GRAMD4: variants seen among roughly 807,000 people sequenced by gnomAD.
GRAMD4 encodes the protein GRAM domain containing 4, also known as GRAM domain-containing protein 4.
A neutral mutation model predicts 83.9 loss-of-function variants in GRAMD4; 25 were observed. The ratio of observed to expected loss-of-function variants is 0.30; its 90% confidence interval spans 0.22 to 0.42. GRAMD4 has a LOEUF of 0.42. GRAMD4 is among the 10% of genes least tolerant of loss of function. The pLI is 1.00. For missense variants in GRAMD4, 593 were observed against 788.7 expected (o/e 0.75, Z 2.97); for synonymous variants, 336 against 320.9 (o/e 1.05, Z -0.50).
intron 3 of GRAMD4, among the ~76,000 whole-genome samples, chr22:46,654,468 C>G (rs183317277): frequency 6.5e-4 from 99 of 152,302 alleles, no homozygotes; most frequent in African/African-American, 2.4e-3. Context: ...CTGAGTATTT[C>G]TGACGAAGGT....
chr22:46,633,973 TC>T (rs2081818709), intron 2 of GRAMD4, among the ~76,000 whole-genome samples: 1 of 152,212 alleles, frequency 6.6e-6, no homozygotes, highest in Non-Finnish European at 1.5e-5. Context: ...ACCACGTTAC[TC>T]CTGGGCCACC....
In GRAMD4 at chr22:46,621,153, A is replaced by G. The variant is rs149872757; in HGVS notation, c.-50+588A>G. 2.0e-3 allele frequency among the ~76,000 whole-genome samples: 309 copies of G among 152,254 alleles called. 3 individuals are homozygous for G. Among genetic ancestry groups the G allele is most frequent in the African/African-American group, 7.0e-3 (289 of 41,542 alleles). On this transcript the variant is annotated intron_variant, in intron 1 of 18. Transcript: ENST00000406902. The surrounding 1 kb of genome is among the most constrained non-coding windows in gnomAD (Gnocchi z 5.8). ...TTGGGGATGCGCGGCTGCAGCACGC[A>G]GGACGGAAGGTGCAGGTGAGACGCA... is the stretch of plus-strand genomic sequence containing the variant.
At chr22:46,597,150 T>C (rs1473684687) in intron 1 of GRAMD4, among the ~76,000 whole-genome samples, 1 of 152,182 alleles carries the variant, frequency 6.6e-6, no homozygotes, top group Admixed American at 6.6e-5. Flanking sequence ...AGAGGTTTCC[T>C]TGGCTGCTGG....
rs151072611 is a variant in GRAMD4, at chr22:46,628,901, G to A, written c.162+1940G>A. Among the ~76,000 whole-genome samples, 1,102 of 152,208 alleles carry A rather than the reference G, an allele frequency of 7.2e-3. 5 individuals are homozygous for A. Among genetic ancestry groups the A allele is most frequent in the Middle Eastern group, 0.014 (4 of 294 alleles). ...GGGTATGGCGCTAGCGGTGTTGCTG[G>A]CGTCACAGGAGAGGCAGGCCGTGGT... is the stretch of plus-strand genomic sequence containing the variant. On this transcript the variant is annotated intron_variant, in intron 2 of 18. Transcript: ENST00000406902.
intron 2 of GRAMD4, among the ~76,000 whole-genome samples, chr22:46,633,792 G>A (rs554967766): frequency 4.1e-4 from 62 of 152,264 alleles, no homozygotes; most frequent in African/African-American, 1.5e-3. Flanking sequence ...GTGTAGGCAG[G>A]AGGTGGGCTG....
At position 46,626,540 on chromosome 22, in the gene GRAMD4, G is replaced by A. The variant is rs1317873407; in HGVS notation, c.-49-211G>A. Reference sequence around the variant, plus strand: ...GCAGGGCGGGGGTCTCTGGGTCGGGGTTTTCTTTGGAAAGCTGGACCGGCC... The same window carrying A: ...GCAGGGCGGGGGTCTCTGGGTCGGGATTTTCTTTGGAAAGCTGGACCGGCC... On this transcript the variant is annotated intron_variant, in intron 1 of 18. Coordinates refer to ENST00000406902, the MANE Select transcript of GRAMD4 (RefSeq NM_015124.5). 2.6e-5 allele frequency among the ~76,000 whole-genome samples: 4 copies of A among 152,132 alleles called. No individual in the cohort carries two copies. The East Asian group carries it at 7.7e-4, about 29-fold the overall frequency.
intron 3 of GRAMD4, among the ~76,000 whole-genome samples, chr22:46,644,583 T>C (rs141996493): frequency 2.9e-3 from 445 of 152,338 alleles, no homozygotes; most frequent in African/African-American, 0.01. Flanking sequence ...CACCTCTCCC[T>C]GTCCCGGGTT....
chr22:46,595,243 G>C (rs774916913), intron 1 of GRAMD4, among the ~76,000 whole-genome samples: 5 of 152,206 alleles, frequency 3.3e-5, no homozygotes, highest in Non-Finnish European at 7.3e-5. Flanking sequence ...ACCATGCGAC[G>C]CAGCGGGTCT....
At chr22:46,609,254 C>T (rs2081394966) in intron 1 of GRAMD4, among the ~76,000 whole-genome samples, 2 of 152,188 alleles carry the variant, frequency 1.3e-5, no homozygotes, top group Admixed American at 1.3e-4. Context: ...GATCCTGTTG[C>T]CCTCCGCGCA....
Position 46,678,622 on chromosome 22 carries a change from G to A in GRAMD4, c.*1371G>A. 4 of 985,498 alleles carry A rather than the reference G, an allele frequency of 4.1e-6. No individual in the cohort carries two copies. Among genetic ancestry groups the A allele is most frequent in the Non-Finnish European group, 4.8e-6 (4 of 829,918 alleles). The allele number at this position is 985,498 out of a possible 1,614,324, so 61.0% of individuals were successfully genotyped here. ...GCTTGTCCTGAGTCCCTTGGGTGTC[G>A]TTGAGATTGTTGTTTTTTGAAGAAA... On this transcript the variant is annotated 3_prime_UTR_variant, in exon 19 of 19. Transcript: ENST00000406902.
upstream of GRAMD4, among the ~76,000 whole-genome samples, chr22:46,618,808 G>C (rs990449187): frequency 9.2e-5 from 14 of 152,236 alleles, no homozygotes; most frequent in Non-Finnish European, 1.5e-4. The surrounding 1 kb of genome is among the most constrained non-coding windows in gnomAD (Gnocchi z 5.8). Flanking sequence ...TGCGCTGCAG[G>C]TTGGCAGTGG....
intron 1 of GRAMD4, among the ~76,000 whole-genome samples, chr22:46,599,382 G>A (rs1388659874): frequency 6.6e-6 from 1 of 151,628 alleles, no homozygotes; most frequent in Non-Finnish European, 1.5e-5. Flanking sequence ...GCAGTGTCAC[G>A]ATCTTGGCTC....
rs1361443717 is a variant in GRAMD4, at chr22:46,679,126, A to G, written c.*1875A>G. ...GGGCGGCTGCAGAGGCAGTGCCCGC[A>G]GACAATGGCCACACCTCTCTCCCCA... On this transcript the variant is annotated 3_prime_UTR_variant, in exon 19 of 19. Transcript: ENST00000406902. 2 of 985,392 alleles carry G rather than the reference A, an allele frequency of 2.0e-6. No individual in the cohort carries two copies. Among genetic ancestry groups the G allele is most frequent in the African/African-American group, 3.5e-5 (2 of 57,244 alleles). 61.0% of individuals were successfully genotyped at this position (985,392 alleles called of 1,614,324 possible).
intron 3 of GRAMD4, among the ~76,000 whole-genome samples, chr22:46,639,419 A>T (rs1029585891): frequency 7.7e-5 from 11 of 143,054 alleles, no homozygotes; most frequent in African/African-American, 2.7e-4. Context: ...GTGTTAGTTA[A>T]TCCAGTGTGT....
intron 2 of GRAMD4, among the ~76,000 whole-genome samples, chr22:46,636,553 A>G (rs2081891120): frequency 6.6e-6 from 1 of 152,238 alleles, no homozygotes; most frequent in Admixed American, 6.5e-5. Flanking sequence ...ATGTGCAAGG[A>G]GCCGTTGCGG....
chr22:46,609,012 C>T (rs993740369), intron 1 of GRAMD4, among the ~76,000 whole-genome samples: 2 of 152,110 alleles, frequency 1.3e-5, no homozygotes, highest in Non-Finnish European at 2.9e-5. Flanking sequence ...CCTGCAGTAC[C>T]ACCTACCCCA....
At chr22:46,627,628 C>T (rs749433589) in intron 2 of GRAMD4, among the ~76,000 whole-genome samples, 1 of 152,318 alleles carries the variant, frequency 6.6e-6, no homozygotes, top group South Asian at 2.1e-4. Context: ...CCAGCATGGC[C>T]TCTAGCTCCT....
intron 15 of GRAMD4, among the ~76,000 whole-genome samples, 177 bp downstream of exon 15, chr22:46,673,991 C>T (rs1478197110): frequency 2.0e-5 from 3 of 152,214 alleles, no homozygotes; most frequent in Admixed American, 6.5e-5. Flanking sequence ...CATGAGGACT[C>T]TGCGGGCTAC....
chr22:46,678,255 C>T lies in GRAMD4; in HGVS notation c.*1004C>T, dbSNP rs1040241426. On this transcript the variant is annotated 3_prime_UTR_variant, in exon 19 of 19. Coordinates refer to ENST00000406902, the MANE Select transcript of GRAMD4 (RefSeq NM_015124.5). ...AGGCTGCAGCCGCCTTTGGGCCATC[C>T]GAGAGGCTCTGGCAGCCCCTGTGCT... The T allele has an allele frequency of 5.7e-5, 56 of 985,418 alleles. No homozygotes were observed. In the South Asian group the frequency reaches 1.6e-3, roughly 28 times the overall value. 61.0% of individuals were successfully genotyped at this position (985,418 alleles called of 1,614,324 possible). A position where few individuals can be genotyped will look rare whatever the true frequency, so the allele number is the denominator to read the frequency against.
Sources: gnomAD v4.1 joint callset for allele counts (sites outside exome capture counted in the v4.1 genomes callset) on GRCh38, gnomAD v4.1.1 for gene constraint, Gnocchi (gnomAD v3.1) non-coding constraint, MANE v1.5 for transcripts, NCBI Gene and HGNC (gene_info 2026-07-23, HGNC 2026-07-21) for gene names.